DIP2B: variants seen among roughly 807,000 people sequenced by gnomAD.
DIP2B encodes DIP2 acetate--CoA ligase B (putative).
DIP2B carries 76 observed loss-of-function variants against 198.0 expected under a neutral mutation model. That is an observed-to-expected ratio of 0.38 (90% CI 0.32 to 0.46). The LOEUF is 0.46. DIP2B is among the 20% of genes least tolerant of loss of function. The pLI is 0.99. For missense variants in DIP2B, 1,559 were observed against 1,978.4 expected (o/e 0.79, Z 4.02); for synonymous variants, 701 against 739.1 (o/e 0.95, Z 0.84).
At chr12:50,588,141 TTTTTTC>T (rs919917648) in intron 1 of DIP2B, among the ~76,000 whole-genome samples, 53 of 151,800 alleles carry the variant, frequency 3.5e-4, no homozygotes, top group Non-Finnish European at 6.2e-4. Context: ...CTTTTCTTTT[TTTTTTC>T]TTTTTCTTTT....
Position 50,728,110 on chromosome 12 carries a change from G to T in DIP2B, c.3510+298G>T, listed in dbSNP as rs959541018. On this transcript the variant is annotated intron_variant, in intron 29 of 37. Transcript: ENST00000301180. ...TAAAATGCAGTATTCGCTGGGCACGGTGGCTCACGCCTGTTATCCCAGCTC... is the reference window on the plus strand; with the variant it reads ...TAAAATGCAGTATTCGCTGGGCACGTTGGCTCACGCCTGTTATCCCAGCTC... 3.3e-5 allele frequency among the ~76,000 whole-genome samples: 5 copies of T among 152,350 alleles called. No homozygotes were observed. In the South Asian group the frequency reaches 1.0e-3, roughly 32 times the overall value.
intron 4 of DIP2B, among the ~76,000 whole-genome samples, chr12:50,660,927 G>A (rs997361927): frequency 6.6e-6 from 1 of 152,188 alleles, no homozygotes; most frequent in South Asian, 2.1e-4. Flanking sequence ...AGATCAGTGA[G>A]AACTAGGTAT....
chr12:50,642,252 T>G (rs576756140), intron 3 of DIP2B, among the ~76,000 whole-genome samples: 64 of 152,088 alleles, frequency 4.2e-4, no homozygotes, highest in African/African-American at 1.5e-3. Context: ...GCCAGGGAAA[T>G]AGTGTTCAGA....
chr12:50,730,380 C>T lies in DIP2B; in HGVS notation c.3642-989C>T, dbSNP rs200175546. 3.3e-4 allele frequency among the ~76,000 whole-genome samples: 19 copies of T among 57,774 alleles called. 2 individuals are homozygous for T. Among genetic ancestry groups the T allele is most frequent in the Non-Finnish European group, 6.1e-4 (8 of 13,132 alleles). 37.9% of individuals were successfully genotyped at this position (57,774 alleles called of 152,430 possible). A position where few individuals can be genotyped will look rare whatever the true frequency, so the allele number is the denominator to read the frequency against. On this transcript the variant is annotated intron_variant, in intron 30 of 37. Transcript: ENST00000301180. ...TTTTTGTTTCTTTCTTTCTCTCTCT[C>T]TCTTTTTTTTTTTTTTTTAAAGGAG...
chr12:50,549,110 G>A (rs1400770686), intron 1 of DIP2B, among the ~76,000 whole-genome samples: 1 of 151,582 alleles, frequency 6.6e-6, no homozygotes. Flanking sequence ...CTTCGGTTTT[G>A]GACTACAAAT....
intron 7 of DIP2B, 26 bp from the exon 8 acceptor site, chr12:50,678,644 TACTCATTTC>T: frequency 6.3e-7 from 1 of 1,597,382 alleles, no homozygotes; most frequent in African/African-American, 1.3e-5. Context: ...TTGGTATTTG[TACTCATTTC>T]ACTCATTGGG....
intron 1 of DIP2B, among the ~76,000 whole-genome samples, chr12:50,576,309 T>C (rs945607219): frequency 5.3e-5 from 8 of 151,710 alleles, no homozygotes; most frequent in Non-Finnish European, 2.9e-5. Context: ...TCAGGTGATC[T>C]GCCCACCTTG....
At chr12:50,579,729 A>C (rs1276331087) in intron 1 of DIP2B, among the ~76,000 whole-genome samples, 8 of 126,600 alleles carry the variant, frequency 6.3e-5, no homozygotes, top group South Asian at 2.6e-4. Flanking sequence ...ACATAGCTTC[A>C]TGGACCCCTG....
intron 20 of DIP2B, among the ~76,000 whole-genome samples, chr12:50,704,904 C>T (rs764379032): frequency 2.6e-5 from 4 of 151,846 alleles, no homozygotes; most frequent in South Asian, 2.1e-4. Context: ...GTGGAGATCA[C>T]GCCACTATGC....
chr12:50,677,198 C>T (rs1216213637), intron 7 of DIP2B, among the ~76,000 whole-genome samples: 1 of 152,184 alleles, frequency 6.6e-6, no homozygotes, highest in Non-Finnish European at 1.5e-5. Flanking sequence ...CAGGTGGAGA[C>T]GTGCCCCACT....
intron 1 of DIP2B, among the ~76,000 whole-genome samples, chr12:50,518,022 G>A (rs923352571): frequency 1.3e-5 from 2 of 152,136 alleles, no homozygotes; most frequent in African/African-American, 4.8e-5. Flanking sequence ...TAGTAAGTAG[G>A]TGCTGAATAC....
rs56383672 is a variant in DIP2B at position 50,650,141 on chromosome 12, C to T, written c.301+9289C>T. ...AGGAGAATCGCTTGAACCCGGGAGG[C>T]GGAGGTTGCAGTGAGCCAAGATCAT... On this transcript the variant is annotated intron_variant, in intron 3 of 37. Coordinates refer to ENST00000301180, the MANE Select transcript of DIP2B (RefSeq NM_173602.3). Among the ~76,000 whole-genome samples, 7 of 151,780 alleles carry T rather than the reference C, an allele frequency of 4.6e-5. No homozygotes were observed. The South Asian group carries it at 6.3e-4, about 14-fold the overall frequency.
chr12:50,610,769 G>T (rs1959024692), intron 1 of DIP2B, among the ~76,000 whole-genome samples: 1 of 151,082 alleles, frequency 6.6e-6, no homozygotes, highest in Non-Finnish European at 1.5e-5. Flanking sequence ...GCCTCCCAAA[G>T]TGCTGGGATT....
At chr12:50,623,413 ACACACACACACACACACACACACACT>A (rs1259023020) in intron 1 of DIP2B, among the ~76,000 whole-genome samples, 1 of 87,802 alleles carries the variant, frequency 1.1e-5, no homozygotes, top group Admixed American at 1.2e-4. Flanking sequence ...ACACACACAC[ACACACACACACACACACACACACACT>A]CTCTCTCTCT....
At chr12:50,587,149 TTTG>T (rs1436891034) in intron 1 of DIP2B, among the ~76,000 whole-genome samples, 3 of 152,180 alleles carry the variant, frequency 2.0e-5, no homozygotes, top group Admixed American at 6.5e-5. Flanking sequence ...ATACAGTCAC[TTTG>T]TTGTTATACC....
In DIP2B at chr12:50,639,863, T is replaced by C. The variant is rs573270138; in HGVS notation, c.173-861T>C. ...AACAAATACTGCATGATTCCACTTA[T>C]ATGGGACATCTAAGAGAGTCAAGCT... On this transcript the variant is annotated intron_variant, in intron 2 of 37. Coordinates refer to ENST00000301180, the MANE Select transcript of DIP2B (RefSeq NM_173602.3). Among the ~76,000 whole-genome samples the C allele has an allele frequency of 5.3e-5, 8 of 152,306 alleles. No homozygotes were observed. In the East Asian group the frequency reaches 5.8e-4, roughly 11 times the overall value.
At chr12:50,523,075 C>T (rs1958134687) in intron 1 of DIP2B, among the ~76,000 whole-genome samples, 1 of 152,000 alleles carries the variant, frequency 6.6e-6, no homozygotes, top group Non-Finnish European at 1.5e-5. Context: ...AATTGTAAAA[C>T]TTTAAAGATA....
intron 33 of DIP2B, 23 bp from the exon 34 acceptor site, chr12:50,735,050 T>G (rs1262263066): frequency 6.2e-7 from 1 of 1,614,008 alleles, no homozygotes; most frequent in East Asian, 2.2e-5. Context: ...GCCCTATATA[T>G]AGTAAATACC....
At position 50,514,151 on chromosome 12, in the gene DIP2B, C is replaced by T. The variant is rs140288373; in HGVS notation, c.100+8911C>T. Among the ~76,000 whole-genome samples the T allele has an allele frequency of 4.6e-3, 698 of 150,770 alleles. 3 individuals are homozygous for T. The highest frequency in any genetic ancestry group is 0.013 in the African/African-American group (548 of 40,974). Reference sequence around the variant, plus strand: ...CATGATCTCAGCTCACCATAACCTCCGCCTCCCGGGTTCAAGCGATTCTCC... The same window carrying T: ...CATGATCTCAGCTCACCATAACCTCTGCCTCCCGGGTTCAAGCGATTCTCC... On this transcript the variant is annotated intron_variant, in intron 1 of 37. Transcript: ENST00000301180.
Sources: gnomAD v4.1 joint callset for allele counts (sites outside exome capture counted in the v4.1 genomes callset) on GRCh38, gnomAD v4.1.1 for gene constraint, MANE v1.5 for transcripts, NCBI Gene and HGNC (gene_info 2026-07-23, HGNC 2026-07-21) for gene names.